The following KMT5B variants were observed in gnomAD, a reference collection of about 807,000 sequenced individuals.
The protein encoded by KMT5B is lysine methyltransferase 5B.
KMT5B carries 10 observed loss-of-function variants against 83.2 expected under a neutral mutation model. The observed-to-expected ratio is 0.12, with a 90% CI of 0.07 to 0.20. The LOEUF is 0.20. Among genes scored for constraint, KMT5B ranks in the 10% least tolerant of loss-of-function variants. The pLI, the probability that KMT5B is intolerant of heterozygous loss-of-function variation, is 1.00. For synonymous variants in KMT5B, 349 were observed against 388.8 expected (o/e 0.90, Z 1.20); for missense variants, 753 against 1,067.2 (o/e 0.71, Z 4.10).
chr11:68,205,885 G>C (rs1860038294), intron 1 of KMT5B, among the ~76,000 whole-genome samples: 1 of 152,196 alleles, frequency 6.6e-6, no homozygotes, highest in South Asian at 2.1e-4. Flanking sequence ...CTCCCAAAGT[G>C]CTGGGATTAC....
At chr11:68,177,688 GC>G (rs1225545721) in intron 4 of KMT5B, among the ~76,000 whole-genome samples, 1 of 151,996 alleles carries the variant, frequency 6.6e-6, no homozygotes, top group Admixed American at 6.6e-5. Context: ...AATGAACAGG[GC>G]CCTATTTTCC....
At chr11:68,165,722 G>A (rs756187917) in intron 10 of KMT5B, 27 of 1,392,434 alleles carry the variant, frequency 1.9e-5, no homozygotes, top group African/African-American at 2.9e-5. Context: ...ACAAATGGTC[G>A]TTATGCTGCA....
chr11:68,158,771 A>C lies in KMT5B; in HGVS notation c.1575T>G (p.Ala525=). The part of the protein sequence containing the change: ...REHRQNPVRG[A]HSQGESSPCT... ...AGGGCGAGCTCTCCCCCTGCGAATG[A>C]GCACCTCTCACAGGATTCTGTCTGT... is the stretch of plus-strand genomic sequence containing the variant. The change falls in exon 11 of 11, where the codon GCT becomes GCG. Residue 525 remains alanine (A), a synonymous_variant. Coordinates refer to ENST00000304363, the MANE Select transcript of KMT5B (RefSeq NM_017635.5). 6.2e-7 allele frequency: 1 copy of C among 1,614,116 alleles called. No individual in the cohort carries two copies. Among genetic ancestry groups the C allele is most frequent in the South Asian group, 1.1e-5 (1 of 91,080 alleles).
chr11:68,190,622 G>A (rs529439829), intron 1 of KMT5B, among the ~76,000 whole-genome samples: 1 of 152,268 alleles, frequency 6.6e-6, no homozygotes, highest in Admixed American at 6.5e-5. Flanking sequence ...TTTGTGACCT[G>A]TGTCTCAGTT....
At chr11:68,181,075 CTT>C (rs71461690) in intron 3 of KMT5B, among the ~76,000 whole-genome samples, 39 of 143,634 alleles carry the variant, frequency 2.7e-4, no homozygotes, top group Non-Finnish European at 3.7e-4. Context: ...TTTCTTTTTT[CTT>C]TTTTTTTTTT....
chr11:68,178,325 G>C (rs895663912), intron 4 of KMT5B, among the ~76,000 whole-genome samples: 5 of 152,090 alleles, frequency 3.3e-5, no homozygotes, highest in African/African-American at 1.2e-4. Context: ...AGGTAACCTT[G>C]GTTTTGTTTA....
At chr11:68,194,508 A>G (rs139680816) in intron 1 of KMT5B, among the ~76,000 whole-genome samples, 170 of 152,306 alleles carry the variant, frequency 1.1e-3, no homozygotes, top group African/African-American at 3.3e-3. Context: ...TTCAAAAATT[A>G]TAGCCTACTA....
At chr11:68,174,039 C>T (rs1018019944) in intron 5 of KMT5B, 126 bp from the exon 6 acceptor site, 6 of 716,788 alleles carry the variant, frequency 8.4e-6, no homozygotes, top group Admixed American at 2.0e-5. Flanking sequence ...AGCAACATAG[C>T]GAGACCCTGT....
upstream of KMT5B, chr11:68,213,604 TGCCGCCCGCACC>T (rs1861289982): frequency 6.6e-6 from 1 of 151,910 alleles, no homozygotes; most frequent in South Asian, 1.8e-4. Context: ...CCCGCTGCCC[TGCCGCCCGCACC>T]GCCGCCGCGT....
intron 2 of KMT5B, among the ~76,000 whole-genome samples, chr11:68,188,613 A>G (rs1591016230): frequency 6.7e-6 from 1 of 149,194 alleles, no homozygotes; most frequent in Admixed American, 6.7e-5. Flanking sequence ...TTCGCCTTGG[A>G]CTCCCAAAGT....
rs771292792 is a variant in KMT5B at position 68,158,523 on chromosome 11, C to T, written c.1823G>A (p.Gly608Asp). 4 of 1,614,046 alleles carry T rather than the reference C, an allele frequency of 2.5e-6. No individual in the cohort carries two copies. In the South Asian group the frequency reaches 4.4e-5, roughly 18 times the overall value. ...GEAKCHKSDT[G>D]MSKKKSRQGK... The stretch of plus-strand genomic sequence containing the variant: ...TTGTCGTGACTTCTTTTTGGACATG[C>T]CTGTGTCACTCTTATGACACTTTGC... The change falls in exon 11 of 11, where the codon GGC becomes GAC. Residue 608 changes from glycine (G) to aspartate (D), a missense_variant. Transcript: ENST00000304363.
intron 1 of KMT5B, among the ~76,000 whole-genome samples, chr11:68,207,455 G>A (rs1016461721): frequency 2.0e-5 from 3 of 152,038 alleles, no homozygotes; most frequent in African/African-American, 7.3e-5. Context: ...AAAAACTGAA[G>A]TGAAGTCCAG....
rs763718036 is a variant in KMT5B, at chr11:68,158,553, C to A, written c.1793G>T (p.Gly598Val). The stretch of plus-strand genomic sequence containing the variant: ...GTCACTCTTATGACACTTTGCCTCC[C>A]CTTTTTGTGCAGTCTCATGAGCCAG... ...EELAHETAQKGEAKCHKSDTG... is the reference protein window; with the variant it reads ...EELAHETAQKVEAKCHKSDTG... Residue 598 changes from glycine to valine, a missense_variant, in exon 11 of 11, where the codon GGG becomes GTG. Gly to Val is a moderately radical substitution (Grantham distance 109, BLOSUM62 -3). Around this residue, in one of 9 missense-constraint regions of KMT5B, gnomAD observed 397 missense variants for 395.9 expected, o/e 1.00. Coordinates refer to ENST00000304363, the MANE Select transcript of KMT5B (RefSeq NM_017635.5). 6.2e-7 allele frequency: 1 copy of A among 1,614,160 alleles called. No homozygotes were observed. Among genetic ancestry groups the A allele is most frequent in the South Asian group, 1.1e-5 (1 of 91,068 alleles).
At chr11:68,182,662 G>C (rs1271744722) in intron 3 of KMT5B, among the ~76,000 whole-genome samples, 1 of 151,540 alleles carries the variant, frequency 6.6e-6, no homozygotes, top group Non-Finnish European at 1.5e-5. Context: ...GTAACAGGCA[G>C]CCTTCTGGAA....
intron 6 of KMT5B, among the ~76,000 whole-genome samples, chr11:68,172,830 T>C (rs75236471): frequency 0.051 from 7,719 of 152,098 alleles, 216 homozygotes; most frequent in African/African-American, 0.06. Flanking sequence ...GTACACACAC[T>C]CACCCCAGAG....
At chr11:68,192,557 A>G (rs1858209023) in intron 1 of KMT5B, among the ~76,000 whole-genome samples, 1 of 152,188 alleles carries the variant, frequency 6.6e-6, no homozygotes, top group South Asian at 2.1e-4. Context: ...TATCTGCTCA[A>G]ACTACATGTT....
chr11:68,186,957 A>G (rs1025609446), intron 2 of KMT5B, among the ~76,000 whole-genome samples: 15 of 152,224 alleles, frequency 9.9e-5, no homozygotes, highest in African/African-American at 3.6e-4. Context: ...TGGTAACAGC[A>G]TAATAGCTTT....
At chr11:68,175,562 GAC>G (rs1856280083) in intron 4 of KMT5B, among the ~76,000 whole-genome samples, 2 of 152,154 alleles carry the variant, frequency 1.3e-5, no homozygotes, top group South Asian at 4.1e-4. Context: ...AACTTTGGGA[GAC>G]ACAAAATCAA....
chr11:68,210,246 TG>T (rs71043405), intron 1 of KMT5B, among the ~76,000 whole-genome samples: 125 of 149,500 alleles, frequency 8.4e-4, no homozygotes, highest in Middle Eastern at 3.4e-3. Flanking sequence ...AATCAAGCTT[TG>T]GGGGGGGGGA....
Sources: gnomAD v4.1 joint callset for allele counts (sites outside exome capture counted in the v4.1 genomes callset) on GRCh38, gnomAD v4.1.1 for gene constraint, gnomAD v4.1.1 regional missense constraint, MANE v1.5 for transcripts, NCBI Gene and HGNC (gene_info 2026-07-23, HGNC 2026-07-21) for gene names.